Variants in KDM6A observed in about 807,000 individuals in gnomAD.
KDM6A encodes the protein lysine demethylase 6A, also known as lysine-specific demethylase 6A.
A neutral mutation model predicts 117.6 loss-of-function variants in KDM6A; 11 were observed. That is an observed-to-expected ratio of 0.09 (90% confidence interval 0.06 to 0.15). KDM6A has a LOEUF of 0.15. KDM6A is among the 10% of genes least tolerant of loss of function. The pLI, the probability that KDM6A is intolerant of heterozygous loss-of-function variation, is 1.00. For synonymous variants in KDM6A, 384 were observed against 396.1 expected, an observed-to-expected ratio of 0.97 and a Z score of 0.36; for missense variants, 799 against 1,077.3, an observed-to-expected ratio of 0.74 and a Z score of 3.62.
intron 2 of KDM6A, among the ~76,000 whole-genome samples, chrX:44,960,072 T>C (rs2038584051): frequency 6.2e-5 from 7 of 112,010 alleles, no homozygotes; most frequent in Admixed American, 3.8e-4. Context: ...AAAGGCTCTG[T>C]ATTTCACAGG....
chrX:44,940,505 A>G (rs1393239170), intron 2 of KDM6A, among the ~76,000 whole-genome samples: 1 of 112,004 alleles, frequency 8.9e-6, no homozygotes, highest in South Asian at 3.7e-4. Context: ...TTTTGCTTCA[A>G]ATCTCAAATT....
At chrX:44,997,301 G>T (rs771738577) in intron 4 of KDM6A, among the ~76,000 whole-genome samples, 1 of 112,175 alleles carries the variant, frequency 8.9e-6, no homozygotes, top group Non-Finnish European at 1.9e-5. Flanking sequence ...CAGCCTATGG[G>T]GTAGCCAGAG....
chrX:44,905,944 AT>A lies in KDM6A; in HGVS notation c.225+31965del, dbSNP rs1002496500. On this transcript the variant is annotated intron_variant, in intron 2 of 29. Transcript: ENST00000611820. Reference sequence around the variant, plus strand: ...ACTTGTGCCTGTATATGTGGCTATAATTTTTTTTCCATTCTCTTTTACTTTG... The same window carrying A: ...ACTTGTGCCTGTATATGTGGCTATAATTTTTTTCCATTCTCTTTTACTTTG... 3.6e-5 allele frequency among the ~76,000 whole-genome samples: 4 copies of A among 111,824 alleles called. No homozygotes were observed. The South Asian group carries it at 1.5e-3, about 41-fold the overall frequency.
At chrX:44,941,473 C>T (rs1210415237) in intron 2 of KDM6A, among the ~76,000 whole-genome samples, 1 of 105,812 alleles carries the variant, frequency 9.5e-6, no homozygotes, top group Non-Finnish European at 1.9e-5. Context: ...TATATGAATT[C>T]TGTACCAGTT....
intron 21 of KDM6A, among the ~76,000 whole-genome samples, chrX:45,079,690 T>A (rs2045311763): frequency 1.8e-5 from 2 of 111,810 alleles, no homozygotes; most frequent in South Asian, 7.4e-4. Context: ...ATTACAGGCA[T>A]GTGCTACCAC....
chrX:44,898,175 A>G (rs1411350953), intron 2 of KDM6A, among the ~76,000 whole-genome samples: 1 of 111,647 alleles, frequency 9.0e-6, no homozygotes, highest in African/African-American at 3.3e-5. Context: ...GCTATCTCAC[A>G]CTGCACTGAT....
chrX:44,949,255 C>T (rs1022738195), intron 2 of KDM6A, among the ~76,000 whole-genome samples: 1 of 110,284 alleles, frequency 9.1e-6, no homozygotes, highest in African/African-American at 3.3e-5. Context: ...ATTAGCTGGG[C>T]GTGTTGGTGC....
At chrX:45,011,395 T>C (rs2041751525) in intron 5 of KDM6A, among the ~76,000 whole-genome samples, 1 of 111,528 alleles carries the variant, frequency 9.0e-6, no homozygotes, top group Non-Finnish European at 1.9e-5. Context: ...GATGGCTAGT[T>C]TTCAGACTTC....
chrX:44,898,024 G>A (rs2034033479), intron 2 of KDM6A, among the ~76,000 whole-genome samples: 1 of 111,593 alleles, frequency 9.0e-6, no homozygotes, highest in Non-Finnish European at 1.9e-5. Context: ...CTGGTGGGAT[G>A]GAAGTTCAAT....
chrX:45,064,373 G>C (rs1053346246), intron 17 of KDM6A, among the ~76,000 whole-genome samples: 7 of 111,430 alleles, frequency 6.3e-5, no homozygotes, highest in African/African-American at 2.0e-4. Flanking sequence ...GTTATGAAGA[G>C]GGGAGGGTGA....
chrX:45,026,607 C>T (rs1310127356), intron 6 of KDM6A, among the ~76,000 whole-genome samples: 3 of 108,227 alleles, frequency 2.8e-5, no homozygotes, highest in African/African-American at 1.0e-4. Flanking sequence ...CGGGTGGGTC[C>T]CCTGAGGTCA....
chrX:44,957,701 A>C (rs994237145), intron 2 of KDM6A, among the ~76,000 whole-genome samples: 4 of 111,534 alleles, frequency 3.6e-5, no homozygotes, highest in African/African-American at 9.8e-5. Flanking sequence ...TGGATGTGCA[A>C]TCCACCAGCT....
chrX:44,930,070 T>C (rs1735996751), intron 2 of KDM6A, among the ~76,000 whole-genome samples: 1 of 111,746 alleles, frequency 8.9e-6, no homozygotes, highest in African/African-American at 3.3e-5. Context: ...TGATGAGTGG[T>C]TTTTCATGTG....
chrX:44,920,728 G>A (rs180844688), intron 2 of KDM6A, among the ~76,000 whole-genome samples: 2 of 110,773 alleles, frequency 1.8e-5, no homozygotes, highest in Admixed American at 1.9e-4. Context: ...GAGCCACTGT[G>A]CCTGGCCTAC....
chrX:44,923,871 T>C (rs1485480073), intron 2 of KDM6A, among the ~76,000 whole-genome samples: 1 of 111,350 alleles, frequency 9.0e-6, no homozygotes, highest in African/African-American at 3.3e-5. Context: ...TACAGGCATC[T>C]GCCACCTCGC....
intron 2 of KDM6A, among the ~76,000 whole-genome samples, chrX:44,931,708 G>A (rs187153832): frequency 9.0e-6 from 1 of 111,705 alleles, no homozygotes; most frequent in East Asian, 2.8e-4. Flanking sequence ...GCTGGGGGGA[G>A]TTGTAAGAGA....
chrX:45,008,668 G>T (rs1470479153), intron 4 of KDM6A, among the ~76,000 whole-genome samples: 1 of 111,506 alleles, frequency 9.0e-6, no homozygotes, highest in African/African-American at 3.3e-5. Flanking sequence ...ATTTTATTCA[G>T]ATTGGTTTGT....
At chrX:44,974,913 A>G (rs2039545445) in intron 4 of KDM6A, among the ~76,000 whole-genome samples, 198 bp downstream of exon 4, 1 of 111,933 alleles carries the variant, frequency 8.9e-6, no homozygotes, top group Non-Finnish European at 1.9e-5. Context: ...TTTATTAAGA[A>G]TTAGAGTCCT....
chrX:45,076,971 T>G, intron 19 of KDM6A, 145 bp downstream of exon 19: 2 of 478,180 alleles, frequency 4.2e-6, no homozygotes, highest in Non-Finnish European at 7.1e-6. Flanking sequence ...GGGGGGAAGA[T>G]ATATTCAAGA....
Sources: gnomAD v4.1 joint callset for allele counts (sites outside exome capture counted in the v4.1 genomes callset) on GRCh38, gnomAD v4.1.1 for gene constraint, MANE v1.5 for transcripts, NCBI Gene and HGNC (gene_info 2026-07-23, HGNC 2026-07-21) for gene names.